FGF13: variants seen among roughly 807,000 people sequenced by gnomAD.
The protein encoded by FGF13 is fibroblast growth factor 13.
FGF13 carries 2 observed loss-of-function variants against 19.5 expected under a neutral mutation model. The ratio of observed to expected loss-of-function variants is 0.10; its 90% CI spans 0.04 to 0.32. The LOEUF (loss-of-function observed/expected upper bound fraction) is 0.32. Among genes scored for constraint, FGF13 ranks in the 10% least tolerant of loss-of-function variants. The pLI, the probability that FGF13 is intolerant of heterozygous loss-of-function variation, is 1.00. For synonymous variants in FGF13, 72 were observed against 76.9 expected (o/e 0.94, Z 0.33); for missense variants, 113 against 192.7 (o/e 0.59, Z 2.45).
intron 1 of FGF13, among the ~76,000 whole-genome samples, chrX:139,058,697 T>C (rs1378836643): frequency 8.9e-6 from 1 of 111,851 alleles, no homozygotes; most frequent in Non-Finnish European, 1.9e-5. Context: ...CAGAACTGTT[T>C]ATTAGCACAA....
At chrX:138,872,881 G>A (rs1309060882) in intron 1 of FGF13, among the ~76,000 whole-genome samples, 1 of 111,276 alleles carries the variant, frequency 9.0e-6, no homozygotes, top group Non-Finnish European at 1.9e-5. Flanking sequence ...TGTAGGGGGA[G>A]GGCCTTTGTG....
At chrX:139,189,984 C>T (rs144711424) in intron 1 of FGF13, among the ~76,000 whole-genome samples, 173 of 112,035 alleles carry the variant, frequency 1.5e-3, no homozygotes, top group African/African-American at 5.0e-3. Flanking sequence ...TGAGAAAATG[C>T]AATACTTCAG....
intron 1 of FGF13, among the ~76,000 whole-genome samples, chrX:139,110,110 C>T (rs1222458811): frequency 9.1e-6 from 1 of 110,222 alleles, no homozygotes; most frequent in Non-Finnish European, 1.9e-5. Context: ...ACATAATAAG[C>T]TACATATATT....
chrX:138,828,238 A>G (rs1049298593), intron 3 of FGF13, among the ~76,000 whole-genome samples: 4 of 111,916 alleles, frequency 3.6e-5, no homozygotes, highest in African/African-American at 1.3e-4. Context: ...AGTTGCCTCG[A>G]TTAACTAATG....
intron 3 of FGF13, among the ~76,000 whole-genome samples, chrX:138,639,693 C>G (rs762987970): frequency 7.2e-5 from 8 of 111,601 alleles, no homozygotes; most frequent in Non-Finnish European, 1.5e-4. Flanking sequence ...TCAGTGAATA[C>G]TGAACCTTTT....
chrX:138,713,412 A>G (rs2090072955), upstream of FGF13, among the ~76,000 whole-genome samples: 1 of 111,860 alleles, frequency 8.9e-6, no homozygotes, highest in Non-Finnish European at 1.9e-5. Flanking sequence ...GCTTTGATCA[A>G]GCCCAAATAT....
chrX:139,171,909 T>G (rs760352892), intron 1 of FGF13, among the ~76,000 whole-genome samples: 3 of 112,249 alleles, frequency 2.7e-5, no homozygotes, highest in Non-Finnish European at 5.6e-5. Flanking sequence ...CATAAACTTT[T>G]CAAGAGTAAA....
chrX:138,726,513 G>C (rs144610602), intron 1 of FGF13, among the ~76,000 whole-genome samples: 5,403 of 112,198 alleles, frequency 0.048, 296 homozygotes, highest in African/African-American at 0.16. Flanking sequence ...ATGTAGTACA[G>C]ACTCAATAAA....
At chrX:138,965,634 A>G (rs1389726836) in intron 1 of FGF13, among the ~76,000 whole-genome samples, 2 of 111,703 alleles carry the variant, frequency 1.8e-5, no homozygotes, top group East Asian at 5.7e-4. Flanking sequence ...GAGACTCAGG[A>G]CTGGCTACAC....
At chrX:138,741,752 T>C (rs1427542221), upstream of FGF13, among the ~76,000 whole-genome samples, 1 of 112,093 alleles carries the variant, frequency 8.9e-6, no homozygotes, top group South Asian at 3.7e-4. Context: ...TTAAGAAGTA[T>C]GACAAATGGA....
At chrX:139,098,050 A>G (rs1158897260) in intron 1 of FGF13, among the ~76,000 whole-genome samples, 2 of 111,542 alleles carry the variant, frequency 1.8e-5, no homozygotes, top group Non-Finnish European at 3.8e-5. Flanking sequence ...CACCATAAAC[A>G]TTAGAAACAC....
In FGF13 at chrX:138,868,665, T is replaced by C. The variant is rs902427319; in HGVS notation, c.-112-4015A>G. 3.6e-5 allele frequency among the ~76,000 whole-genome samples: 4 copies of C among 110,747 alleles called. No individual in the cohort carries two copies. The Admixed American group carries it at 3.8e-4, about 11-fold the overall frequency. On this transcript the variant is annotated intron_variant, in intron 1 of 2. Transcript: ENST00000421460. ...GTTTCCTCACCAATATACTATAGAG[T>C]GCATTCTCAGGCATTACACTCCTGT... is the stretch of plus-strand genomic sequence containing the variant.
chrX:139,083,479 G>C (rs898763125), intron 1 of FGF13, among the ~76,000 whole-genome samples: 2 of 112,033 alleles, frequency 1.8e-5, no homozygotes, highest in African/African-American at 3.2e-5. Flanking sequence ...TTAAGACCTG[G>C]ATCCAATGAC....
intron 3 of FGF13, among the ~76,000 whole-genome samples, chrX:138,840,883 G>C (rs1295405519): frequency 9.0e-6 from 1 of 111,353 alleles, no homozygotes; most frequent in African/African-American, 3.3e-5. Flanking sequence ...ACAAAGCAAG[G>C]GGTTCTTTGC....
At chrX:138,713,129 G>T (rs770692975), upstream of FGF13, among the ~76,000 whole-genome samples, 1 of 112,508 alleles carries the variant, frequency 8.9e-6, no homozygotes, top group South Asian at 3.7e-4. Flanking sequence ...ATGCCAAAGG[G>T]TCTGACATTT....
chrX:138,901,784 T>C (rs1431804032), intron 1 of FGF13, among the ~76,000 whole-genome samples: 1 of 111,990 alleles, frequency 8.9e-6, no homozygotes, highest in East Asian at 2.8e-4. Flanking sequence ...CTGAGAGAGT[T>C]CATTGCTTAT....
intron 3 of FGF13, among the ~76,000 whole-genome samples, chrX:138,678,741 C>T (rs1484103784): frequency 1.8e-5 from 2 of 112,050 alleles, no homozygotes; most frequent in East Asian, 5.6e-4. Context: ...AACTTATAGG[C>T]TTTTGGCCTC....
chrX:139,167,343 A>C (rs1220113284), intron 1 of FGF13, among the ~76,000 whole-genome samples: 1 of 111,992 alleles, frequency 8.9e-6, no homozygotes, highest in Non-Finnish European at 1.9e-5. Context: ...AATCAAGAGA[A>C]GATATATTCT....
chrX:139,040,562 C>T (rs962124304), intron 1 of FGF13, among the ~76,000 whole-genome samples: 3 of 111,052 alleles, frequency 2.7e-5, no homozygotes, highest in Non-Finnish European at 5.7e-5. Flanking sequence ...CAGATGCTGG[C>T]GAGATTGTGG....
Sources: allele counts gnomAD v4.1 joint callset (sites outside exome capture counted in the v4.1 genomes callset), GRCh38; gene constraint gnomAD v4.1.1; transcripts MANE v1.5; gene names NCBI Gene and HGNC (gene_info 2026-07-23, HGNC 2026-07-21).